EPHA3: variants seen among roughly 807,000 people sequenced by gnomAD.
EPHA3 encodes the protein EPH receptor A3, also known as ephrin type-A receptor 3.
Under a neutral mutation model 107.1 loss-of-function variants are expected in EPHA3, and 42 were observed. The observed-to-expected ratio is 0.39, with a 90% CI of 0.31 to 0.51. The LOEUF (loss-of-function observed/expected upper bound fraction) is 0.51. EPHA3 is among the 20% of genes least tolerant of loss of function. EPHA3 has a pLI of 0.78. For missense variants in EPHA3, 1,183 were observed against 1,211.2 expected (o/e 0.98, Z 0.35); for synonymous variants, 461 against 424.8 (o/e 1.09, Z -1.05).
At chr3:89,176,876 T>C (rs1029240435) in intron 2 of EPHA3, among the ~76,000 whole-genome samples, 2 of 152,180 alleles carry the variant, frequency 1.3e-5, no homozygotes, top group Non-Finnish European at 2.9e-5. Context: ...TAATTTTATA[T>C]GGAGATTAAA....
intron 2 of EPHA3, among the ~76,000 whole-genome samples, chr3:89,164,809 A>C (rs1705028784): frequency 6.6e-6 from 1 of 152,232 alleles, no homozygotes; most frequent in Admixed American, 6.5e-5. Flanking sequence ...CACCCTGCAG[A>C]ATAGTCACAG....
chr3:89,278,377 T>C (rs1424451129), intron 3 of EPHA3, among the ~76,000 whole-genome samples: 2 of 152,108 alleles, frequency 1.3e-5, no homozygotes, highest in African/African-American at 4.8e-5. Flanking sequence ...GAAATCAACC[T>C]GTCAAGAAGA....
At chr3:89,358,681 C>G (rs1708019699) in intron 5 of EPHA3, among the ~76,000 whole-genome samples, 1 of 151,030 alleles carries the variant, frequency 6.6e-6, no homozygotes, top group African/African-American at 2.4e-5. Context: ...CTTGAATTCA[C>G]AGATTATATG....
chr3:89,300,930 T>C (rs1706471658), intron 3 of EPHA3, among the ~76,000 whole-genome samples: 1 of 152,086 alleles, frequency 6.6e-6, no homozygotes, highest in South Asian at 2.1e-4. Flanking sequence ...TGAGACATGG[T>C]TATAAAGCAA....
chr3:89,197,492 C>T (rs911795225), intron 2 of EPHA3, among the ~76,000 whole-genome samples: 28 of 151,140 alleles, frequency 1.9e-4, no homozygotes, highest in Non-Finnish European at 2.7e-4. Flanking sequence ...TATCTCTTGA[C>T]GTGTTATGCA....
chr3:89,214,152 T>A (rs1704171899), intron 3 of EPHA3, among the ~76,000 whole-genome samples: 1 of 152,016 alleles, frequency 6.6e-6, no homozygotes. Context: ...TTAATTGTTC[T>A]ATTTAGCCAA....
intron 2 of EPHA3, among the ~76,000 whole-genome samples, chr3:89,141,349 A>G (rs762149441): frequency 2.0e-4 from 30 of 151,532 alleles, no homozygotes; most frequent in Non-Finnish European, 3.3e-4. Context: ...GAGGTCTAAC[A>G]AGATATGGAA....
At chr3:89,460,676 A>G (rs1459361273) in intron 15 of EPHA3, among the ~76,000 whole-genome samples, 1 of 148,332 alleles carries the variant, frequency 6.7e-6, no homozygotes, top group African/African-American at 2.5e-5. Context: ...TCGAACAACC[A>G]AAAGACAATC....
At chr3:89,282,683 A>G (rs754205886) in intron 3 of EPHA3, among the ~76,000 whole-genome samples, 51 of 152,076 alleles carry the variant, frequency 3.4e-4, no homozygotes, top group Non-Finnish European at 7.1e-4. Flanking sequence ...ATAAGTACCA[A>G]TTTGGGGATT....
intron 16 of EPHA3, among the ~76,000 whole-genome samples, chr3:89,473,735 T>A (rs1284101507): frequency 2.0e-5 from 3 of 152,104 alleles, no homozygotes; most frequent in Admixed American, 2.0e-4. Flanking sequence ...ACCTCCAAAG[T>A]CATATGTTTA....
chr3:89,219,629 G>A (rs1704303393), intron 3 of EPHA3, among the ~76,000 whole-genome samples: 1 of 149,842 alleles, frequency 6.7e-6, no homozygotes, highest in Non-Finnish European at 1.5e-5. Context: ...ATAGAATTCT[G>A]GAGTCTACAC....
intron 1 of EPHA3, among the ~76,000 whole-genome samples, chr3:89,121,734 C>T (rs1353887436): frequency 7.0e-6 from 1 of 143,296 alleles, no homozygotes; most frequent in Non-Finnish European, 1.5e-5. Flanking sequence ...TCCAGCCTGG[C>T]GACACAGGGA....
At chr3:89,437,725 G>C (rs566470109) in intron 13 of EPHA3, among the ~76,000 whole-genome samples, 1 of 152,218 alleles carries the variant, frequency 6.6e-6, no homozygotes, top group East Asian at 1.9e-4. Flanking sequence ...CAAAATGGTA[G>C]TGTTTAATTT....
intron 1 of EPHA3, among the ~76,000 whole-genome samples, chr3:89,117,049 T>TA (rs1340276969): frequency 6.6e-6 from 1 of 152,106 alleles, no homozygotes; most frequent in Non-Finnish European, 1.5e-5. Flanking sequence ...ACTGATTACA[T>TA]AGCAGGGCCT....
chr3:89,435,533 C>A (rs1709650213), intron 13 of EPHA3, among the ~76,000 whole-genome samples: 3 of 142,050 alleles, frequency 2.1e-5, no homozygotes, highest in East Asian at 2.0e-4. Context: ...TATATAAATA[C>A]TATATCTATA....
chr3:89,427,698 T>A (rs903392574), intron 11 of EPHA3, among the ~76,000 whole-genome samples: 1 of 151,944 alleles, frequency 6.6e-6, no homozygotes, highest in Non-Finnish European at 1.5e-5. Context: ...TGCTATCTAA[T>A]TGTATTACCT....
chr3:89,435,346 T>A (rs1709646241), intron 13 of EPHA3, among the ~76,000 whole-genome samples: 2 of 151,074 alleles, frequency 1.3e-5, no homozygotes, highest in South Asian at 4.1e-4. Flanking sequence ...ACGCCTATAA[T>A]CTTGACACTT....
At chr3:89,393,052 G>C (rs1400617743) in intron 5 of EPHA3, among the ~76,000 whole-genome samples, 3 of 152,196 alleles carry the variant, frequency 2.0e-5, no homozygotes, top group Non-Finnish European at 4.4e-5. Context: ...ATATTGATGA[G>C]TATTAAAAAG....
intron 3 of EPHA3, among the ~76,000 whole-genome samples, chr3:89,221,382 A>G (rs1704370725): frequency 6.6e-6 from 1 of 152,120 alleles, no homozygotes; most frequent in Non-Finnish European, 1.5e-5. Flanking sequence ...TGCATTCCCT[A>G]TAGAAGAGCA....
Sources: allele counts gnomAD v4.1 joint callset (sites outside exome capture counted in the v4.1 genomes callset), GRCh38; gene constraint gnomAD v4.1.1; transcripts MANE v1.5; gene names NCBI Gene and HGNC (gene_info 2026-07-23, HGNC 2026-07-21).